PRKCB: variants seen among roughly 807,000 people sequenced by gnomAD.
PRKCB encodes protein kinase C beta.
Under a neutral mutation model 81.5 loss-of-function variants are expected in PRKCB, and 13 were observed. The observed-to-expected ratio is 0.16, with a 90% CI of 0.10 to 0.25. The LOEUF (loss-of-function observed/expected upper bound fraction) is 0.25. PRKCB is among the 10% of genes least tolerant of loss of function. The pLI is 1.00. For synonymous variants in PRKCB, 335 were observed against 321.4 expected, an observed-to-expected ratio of 1.04 and a Z score of -0.45; for missense variants, 509 against 875.7, an observed-to-expected ratio of 0.58 and a Z score of 5.29.
At chr16:24,071,089 C>A (rs1193472016) in intron 5 of PRKCB, among the ~76,000 whole-genome samples, 2 of 152,114 alleles carry the variant, frequency 1.3e-5, no homozygotes, top group Admixed American at 6.5e-5. Flanking sequence ...AGCCCCCCTC[C>A]ACTCCAGGGC....
At position 23,909,043 on chromosome 16, in the gene PRKCB, G is replaced by C. The variant is rs147293079; in HGVS notation, c.205+71637G>C. The stretch of plus-strand genomic sequence containing the variant: ...AGGGGTTTGTTTTGTTTTGTTTACA[G>C]AGCTAGGCGAACAGTTGGCACTCAG... On this transcript the variant is annotated intron_variant, in intron 2 of 16. Coordinates refer to ENST00000643927, the MANE Select transcript of PRKCB (RefSeq NM_002738.7). 1.4e-4 allele frequency among the ~76,000 whole-genome samples: 21 copies of C among 152,350 alleles called. No individual in the cohort carries two copies. In the East Asian group the frequency reaches 3.1e-3, roughly 22 times the overall value.
intron 9 of PRKCB, among the ~76,000 whole-genome samples, chr16:24,130,301 G>A (rs1966851533): frequency 6.6e-6 from 1 of 152,212 alleles, no homozygotes; most frequent in Admixed American, 6.5e-5. Context: ...GTGATGTTTA[G>A]TATGTTCCAT....
At chr16:23,974,658 T>A (rs1170350045) in intron 2 of PRKCB, among the ~76,000 whole-genome samples, 2 of 152,132 alleles carry the variant, frequency 1.3e-5, no homozygotes, top group Non-Finnish European at 2.9e-5. Context: ...TTTGCATCAA[T>A]CTGGGGTGAG....
At chr16:23,896,883 A>ACCATCCATCCATCCATCCAT (rs55662090) in intron 2 of PRKCB, among the ~76,000 whole-genome samples, 1 of 149,146 alleles carries the variant, frequency 6.7e-6, no homozygotes, top group Non-Finnish European at 1.5e-5. Flanking sequence ...CATCCATCCA[A>ACCATCCATCCATCCATCCAT]CCATCCATCC....
chr16:24,202,248 T>C (rs1026470924), intron 16 of PRKCB, among the ~76,000 whole-genome samples: 1 of 152,282 alleles, frequency 6.6e-6, no homozygotes, highest in Non-Finnish European at 1.5e-5. Flanking sequence ...ACTGCTATGA[T>C]TACTACCCTA....
intron 2 of PRKCB, among the ~76,000 whole-genome samples, chr16:23,954,671 T>C (rs912015297): frequency 6.6e-6 from 1 of 152,224 alleles, no homozygotes; most frequent in Non-Finnish European, 1.5e-5. Flanking sequence ...TATGTGATAC[T>C]GGGCTGGTTT....
chr16:24,075,242 C>T (rs940225914), intron 5 of PRKCB, among the ~76,000 whole-genome samples: 4 of 152,132 alleles, frequency 2.6e-5, no homozygotes, highest in Non-Finnish European at 4.4e-5. Flanking sequence ...CTATACTGGA[C>T]ATCAAACACT....
chr16:24,216,793 C>T lies in PRKCB; in HGVS notation c.*1977C>T, dbSNP rs1968234414. 1.0e-6 allele frequency: 1 copy of T among 985,310 alleles called. No individual in the cohort carries two copies. The highest frequency in any genetic ancestry group is 1.2e-6 in the Non-Finnish European group (1 of 829,948). The allele number at this position is 985,310 out of a possible 1,614,324, so 61.0% of individuals were successfully genotyped here. A position where few individuals can be genotyped will look rare whatever the true frequency, so the allele number is the denominator to read the frequency against. ...GAGGGAAATCGGAGCAAAGCTCCCTCACTTTATTGTTGAGAAACTGGCATC... is the reference window on the plus strand; with the variant it reads ...GAGGGAAATCGGAGCAAAGCTCCCTTACTTTATTGTTGAGAAACTGGCATC... On this transcript the variant is annotated 3_prime_UTR_variant, in exon 17 of 17. Transcript: ENST00000643927.
intron 2 of PRKCB, among the ~76,000 whole-genome samples, chr16:23,858,326 G>A (rs1241797299): frequency 8.1e-6 from 1 of 122,914 alleles, no homozygotes; most frequent in African/African-American, 3.0e-5. Context: ...TGTTCACCAA[G>A]GTGAAGGGCT....
intron 3 of PRKCB, among the ~76,000 whole-genome samples, chr16:23,994,906 T>G (rs1182442569): frequency 6.6e-6 from 1 of 152,338 alleles, no homozygotes; most frequent in South Asian, 2.1e-4. Flanking sequence ...ATCTTGATCA[T>G]TTTTTCCTTC....
At position 24,217,528 on chromosome 16, in the gene PRKCB, C is replaced by T. The variant is rs1389767676; in HGVS notation, c.*2712C>T. 7 of 985,346 alleles carry T rather than the reference C, an allele frequency of 7.1e-6. No homozygotes were observed. The East Asian group carries it at 5.7e-4, about 80-fold the overall frequency. The allele number at this position is 985,346 out of a possible 1,614,324, so 61.0% of individuals were successfully genotyped here. ...CAAAGAAATGATCTCAACAGAGAAG[C>T]TTATTCTCTCCCAACTTCTACGGTA... On this transcript the variant is annotated 3_prime_UTR_variant, in exon 17 of 17. Coordinates refer to ENST00000643927, the MANE Select transcript of PRKCB (RefSeq NM_002738.7).
chr16:24,115,416 C>A lies in PRKCB; in HGVS notation c.918+2347C>A, dbSNP rs1966726333. 1.3e-5 allele frequency among the ~76,000 whole-genome samples: 2 copies of A among 151,048 alleles called. 1 individual carries two copies. The highest frequency in any genetic ancestry group is 4.9e-5 in the African/African-American group (2 of 41,134). On this transcript the variant is annotated intron_variant, in intron 8 of 16. Coordinates refer to ENST00000643927, the MANE Select transcript of PRKCB (RefSeq NM_002738.7). The stretch of plus-strand genomic sequence containing the variant: ...TTATCCCAAGGATTTTAGCATTTAT[C>A]CCAAGAGCATTTACCCAAGAGCACT...
chr16:23,863,962 A>C (rs1363297139), intron 2 of PRKCB, among the ~76,000 whole-genome samples: 1 of 152,070 alleles, frequency 6.6e-6, no homozygotes, highest in Non-Finnish European at 1.5e-5. Flanking sequence ...TACTGCTCTT[A>C]TTTTTGTACC....
At chr16:23,965,798 T>G (rs959621201) in intron 2 of PRKCB, among the ~76,000 whole-genome samples, 1 of 152,220 alleles carries the variant, frequency 6.6e-6, no homozygotes, top group African/African-American at 2.4e-5. Flanking sequence ...AGCCTGACTT[T>G]TGTTCAGCTC....
chr16:24,021,107 C>CTCTTTTTTT (rs1965377670), intron 3 of PRKCB, among the ~76,000 whole-genome samples: 1 of 111,832 alleles, frequency 8.9e-6, no homozygotes, highest in African/African-American at 3.4e-5. Flanking sequence ...TTCTTTCTTT[C>CTCTTTTTTT]CTTCTCTCTC....
chr16:24,141,904 C>A (rs897184021), intron 9 of PRKCB, among the ~76,000 whole-genome samples: 1 of 152,184 alleles, frequency 6.6e-6, no homozygotes, highest in Non-Finnish European at 1.5e-5. Context: ...CACTTTCTGC[C>A]TTTCTCTTTC....
chr16:23,984,885 T>G (rs139850243), intron 2 of PRKCB, among the ~76,000 whole-genome samples: 435 of 152,260 alleles, frequency 2.9e-3, no homozygotes, highest in African/African-American at 0.01. Flanking sequence ...TTTACTTTCA[T>G]GTTGAATAAA....
chr16:23,976,235 T>C (rs537424698), intron 2 of PRKCB, among the ~76,000 whole-genome samples: 1 of 151,958 alleles, frequency 6.6e-6, no homozygotes, highest in South Asian at 2.1e-4. Flanking sequence ...GTGCTCAAGG[T>C]TGCAGTGAGC....
rs1000639500 is a variant in PRKCB at position 24,217,452 on chromosome 16, C to G, written c.*2636C>G. 15 of 985,314 alleles carry G rather than the reference C, an allele frequency of 1.5e-5. 1 individual carries two copies. In the Admixed American group the frequency reaches 8.6e-4, roughly 57 times the overall value. 61.0% of individuals were successfully genotyped at this position (985,314 alleles called of 1,614,324 possible). On this transcript the variant is annotated 3_prime_UTR_variant, in exon 17 of 17. Coordinates refer to ENST00000643927, the MANE Select transcript of PRKCB (RefSeq NM_002738.7). ...TGGGAGGTCAGTAGAATTAATAACC[C>G]TCCTTGGATGAGTGCTACTGTTTTC... is the stretch of plus-strand genomic sequence containing the variant.
Sources: gnomAD v4.1 joint callset for allele counts (sites outside exome capture counted in the v4.1 genomes callset) on GRCh38, gnomAD v4.1.1 for gene constraint, MANE v1.5 for transcripts, NCBI Gene and HGNC (gene_info 2026-07-23, HGNC 2026-07-21) for gene names.